Variants in NNT observed in about 807,000 individuals in gnomAD.
NNT encodes nicotinamide nucleotide transhydrogenase.
Under a neutral mutation model 104.8 loss-of-function variants are expected in NNT, and 50 were observed. The observed-to-expected ratio is 0.48, with a 90% CI of 0.38 to 0.60. The LOEUF (loss-of-function observed/expected upper bound fraction) is 0.60. Ranked by LOEUF, NNT falls within the 20% of genes least tolerant of loss-of-function variation. NNT has a pLI of 0.00. For synonymous variants in NNT, 461 were observed against 490.4 expected (o/e 0.94, Z 0.79); for missense variants, 1,131 against 1,330.7 (o/e 0.85, Z 2.33).
chr5:43,667,243 T>A, intron 17 of NNT: 1 of 915,330 alleles, frequency 1.1e-6, no homozygotes, highest in Non-Finnish European at 1.8e-6. Flanking sequence ...GTCTGCACCT[T>A]AAGCTGCCGG....
chr5:43,610,170 G>C (rs1356867619), intron 2 of NNT, among the ~76,000 whole-genome samples: 1 of 149,804 alleles, frequency 6.7e-6, no homozygotes, highest in Non-Finnish European at 1.5e-5. Context: ...AGGCTAAAAA[G>C]GGGCCCTTCT....
chr5:43,685,941 A>T (rs1211659803), intron 19 of NNT, among the ~76,000 whole-genome samples: 1 of 152,160 alleles, frequency 6.6e-6, no homozygotes, highest in Non-Finnish European at 1.5e-5. Context: ...ATTATAAAAG[A>T]GGCTTTTAAA....
Position 43,645,463 on chromosome 5 carries a change from T to C in NNT, c.1397T>C (p.Ile466Thr). ...AELEAEKAAT[I>T]TPFRKTMSTA... ...CTGGAAGCTGAAAAAGCAGCTACCA[T>C]TACACCCTTCAGGAAGACAATGTCA... is the stretch of plus-strand genomic sequence containing the variant. The change falls in exon 10 of 22, where the codon ATT becomes ACT. Residue 466 changes from isoleucine to threonine, a missense_variant. Coordinates refer to ENST00000344920, the MANE Select transcript of NNT (RefSeq NM_182977.3). 6.4e-7 allele frequency: 1 copy of C among 1,574,524 alleles called. No homozygotes were observed. The highest frequency in any genetic ancestry group is 8.6e-7 in the Non-Finnish European group (1 of 1,159,138).
intron 17 of NNT, among the ~76,000 whole-genome samples, chr5:43,672,402 C>A (rs1035204881): frequency 1.3e-5 from 2 of 152,224 alleles, no homozygotes; most frequent in African/African-American, 4.8e-5. Flanking sequence ...TGTATTTTCC[C>A]CATCTTTGTG....
chr5:43,659,066 A>G, intron 16 of NNT, 105 bp from the exon 17 acceptor site: 1 of 1,153,510 alleles, frequency 8.7e-7, no homozygotes, highest in Non-Finnish European at 1.2e-6. Flanking sequence ...TTATATGTAA[A>G]TATATTAATG....
intron 17 of NNT, among the ~76,000 whole-genome samples, chr5:43,665,954 G>A (rs1349039217): frequency 1.3e-5 from 2 of 151,986 alleles, no homozygotes; most frequent in Non-Finnish European, 2.9e-5. Flanking sequence ...GTTCCCAGAC[G>A]GGGTCGCGCC....
intron 19 of NNT, among the ~76,000 whole-genome samples, chr5:43,696,465 C>T (rs1353957464): frequency 6.6e-6 from 1 of 152,144 alleles, no homozygotes; most frequent in African/African-American, 2.4e-5. Flanking sequence ...GCAGATTTTT[C>T]CAGGTGCACA....
intron 19 of NNT, among the ~76,000 whole-genome samples, chr5:43,691,032 T>C (rs1417393131): frequency 6.6e-6 from 1 of 152,122 alleles, no homozygotes; most frequent in Non-Finnish European, 1.5e-5. Flanking sequence ...CAGTTTTGCC[T>C]TTTTTTCTGG....
Position 43,666,241 on chromosome 5 carries a change from C to T in NNT, c.2634+6891C>T, listed in dbSNP as rs527357608. On this transcript the variant is annotated intron_variant, in intron 17 of 21. Coordinates refer to ENST00000344920, the MANE Select transcript of NNT (RefSeq NM_182977.3). The stretch of plus-strand genomic sequence containing the variant: ...CGGCACTTTGGGAGGCCAAGGCAGG[C>T]GGCTGGGAGGGGGAGGTTGTAGCCA... 4.3e-4 allele frequency among the ~76,000 whole-genome samples: 65 copies of T among 152,226 alleles called. 2 individuals are homozygous for T. The South Asian group carries it at 8.5e-3, about 20-fold the overall frequency.
At chr5:43,680,193 C>T (rs931391816) in intron 19 of NNT, among the ~76,000 whole-genome samples, 3 of 151,320 alleles carry the variant, frequency 2.0e-5, no homozygotes, top group Non-Finnish European at 2.9e-5. Context: ...TTGCTTTGTG[C>T]GTGTGTTAGC....
Position 43,653,372 on chromosome 5 carries a change from A to G in NNT, c.2059+159A>G, listed in dbSNP as rs913921501. 4 of 670,088 alleles carry G rather than the reference A, an allele frequency of 6.0e-6. No homozygotes were observed. In the African/African-American group the frequency reaches 7.2e-5, roughly 12 times the overall value. 41.5% of individuals were successfully genotyped at this position (670,088 alleles called of 1,614,324 possible). ...ATTCCAGTTGGTGTAATTCTCATTC[A>G]AATACATTTTAGAACACTGAATAAA... On this transcript the variant is annotated intron_variant, in intron 14 of 21. Coordinates refer to ENST00000344920, the MANE Select transcript of NNT (RefSeq NM_182977.3).
intron 5 of NNT, among the ~76,000 whole-genome samples, chr5:43,619,752 A>G (rs534069289): frequency 6.6e-6 from 1 of 152,356 alleles, no homozygotes; most frequent in South Asian, 2.1e-4. Flanking sequence ...GTGTTACTAA[A>G]AGAGAATACC....
chr5:43,604,378 A>G (rs1485468811), intron 1 of NNT, among the ~76,000 whole-genome samples: 1 of 152,070 alleles, frequency 6.6e-6, no homozygotes, highest in African/African-American at 2.4e-5. Flanking sequence ...ACTTTTTATT[A>G]ACAGACAGTT....
At chr5:43,636,811 G>A (rs543792311) in intron 7 of NNT, among the ~76,000 whole-genome samples, 1 of 152,042 alleles carries the variant, frequency 6.6e-6, no homozygotes, top group African/African-American at 2.4e-5. Flanking sequence ...ACAGAATTTT[G>A]CAGCTATGAG....
At chr5:43,628,833 C>T (rs753669379) in intron 7 of NNT, among the ~76,000 whole-genome samples, 6 of 152,120 alleles carry the variant, frequency 3.9e-5, no homozygotes, top group Admixed American at 6.5e-5. Context: ...GTGATCCGCC[C>T]GCCTTGGTCT....
chr5:43,664,843 G>A (rs904397241), intron 17 of NNT, among the ~76,000 whole-genome samples: 17 of 152,142 alleles, frequency 1.1e-4, no homozygotes, highest in African/African-American at 4.1e-4. Flanking sequence ...AAATAATTTC[G>A]TTTTTAAGAG....
chr5:43,644,591 C>A lies in NNT; in HGVS notation c.1099-20C>A. 1 of 1,587,908 alleles carries A rather than the reference C, an allele frequency of 6.3e-7. No homozygotes were observed. The highest frequency in any genetic ancestry group is 8.6e-7 in the Non-Finnish European group (1 of 1,167,498). On this transcript the variant is annotated intron_variant, in intron 8 of 21. Transcript: ENST00000344920. ...AACATAGGGTGATAGACCTTTTTGA[C>A]TATAATTTTGTTCATTTAGGGAATT...
At chr5:43,689,949 C>A (rs184874560) in intron 19 of NNT, among the ~76,000 whole-genome samples, 7 of 151,892 alleles carry the variant, frequency 4.6e-5, no homozygotes, top group Admixed American at 3.9e-4. Context: ...TGAATTAACC[C>A]AATCCGTCAA....
rs144368739 is a variant in NNT, at chr5:43,681,726, G to A, written c.2876+3920G>A. Among the ~76,000 whole-genome samples the A allele has an allele frequency of 1.6e-3, 237 of 152,278 alleles. 1 individual carries two copies. The highest frequency in any genetic ancestry group is 5.5e-3 in the African/African-American group (227 of 41,554). ...CAACTTCTTTGATTGACTAGCTGAT[G>A]TTATGTATTGCTTTCATGTTAATGT... On this transcript the variant is annotated intron_variant, in intron 19 of 21. Transcript: ENST00000344920.
Sources: allele counts gnomAD v4.1 joint callset (sites outside exome capture counted in the v4.1 genomes callset), GRCh38; gene constraint gnomAD v4.1.1; transcripts MANE v1.5; gene names NCBI Gene and HGNC (gene_info 2026-07-23, HGNC 2026-07-21).